CD276: variants seen among roughly 807,000 people sequenced by gnomAD.
The protein encoded by CD276 is CD276 antigen.
CD276 carries 34 observed loss-of-function variants against 50.0 expected under a neutral mutation model. That is an observed-to-expected ratio of 0.68 (90% CI 0.52 to 0.91). CD276 has a LOEUF of 0.91. Among genes scored for constraint, CD276 ranks in the 40% least tolerant of loss-of-function variants. CD276 has a pLI of 0.00. For synonymous variants in CD276, 275 were observed against 313.0 expected (o/e 0.88, Z 1.28); for missense variants, 634 against 717.5 (o/e 0.88, Z 1.33).
chr15:73,712,320 G>T (rs1900936792), intron 9 of CD276, among the ~76,000 whole-genome samples: 1 of 152,206 alleles, frequency 6.6e-6, no homozygotes, highest in Non-Finnish European at 1.5e-5. Flanking sequence ...CCAGATGGGG[G>T]AGCTCTTCTC....
rs751641468 is a variant in CD276 at position 73,702,544 on chromosome 15, C to T, written c.369C>T (p.Phe123=). The T allele has an allele frequency of 1.7e-5, 27 of 1,611,758 alleles. No individual in the cohort carries two copies. Among genetic ancestry groups the T allele is most frequent in the African/African-American group, 4.0e-5 (3 of 74,922 alleles). ...CGGACGAGGGCAGCTTCACCTGCTT[C>T]GTGAGCATCCGGGATTTCGGCAGCG... ...RVADEGSFTC[F]VSIRDFGSAA... The change falls in exon 3 of 10, where the codon TTC becomes TTT. Residue 123 remains phenylalanine (F), a synonymous_variant. Coordinates refer to ENST00000318443, the MANE Select transcript of CD276 (RefSeq NM_001024736.2).
Position 73,704,443 on chromosome 15 carries a change from A to C in CD276, c.1340A>C (p.Gln447Pro). Residue 447 changes from glutamine to proline, a missense_variant, in exon 6 of 10, where the codon CAG becomes CCG. Physicochemically the swap from Gln to Pro is moderately conservative, Grantham distance 76 (BLOSUM62 -1). Transcript: ENST00000318443. The surrounding 1 kb of genome is among the most constrained non-coding windows in gnomAD (Gnocchi z 4.1). ...SCLVRNPVLQ[Q>P]DAHGSVTITG... is the part of the protein sequence containing the mutation. ...CTGGTGCGCAACCCCGTGCTGCAGCAGGATGCGCACGGCTCTGTCACCATC... is the reference window on the plus strand; with the variant it reads ...CTGGTGCGCAACCCCGTGCTGCAGCCGGATGCGCACGGCTCTGTCACCATC... 1 of 1,613,796 alleles carries C rather than the reference A, an allele frequency of 6.2e-7. No individual in the cohort carries two copies. Among genetic ancestry groups the C allele is most frequent in the Non-Finnish European group, 8.5e-7 (1 of 1,179,976 alleles).
intron 2 of CD276, among the ~76,000 whole-genome samples, chr15:73,700,914 T>A (rs1251070727): frequency 5.2e-3 from 2 of 382 alleles, no homozygotes; most frequent in African/African-American, 0.013. Flanking sequence ...TCCTCTTTTT[T>A]TTTTTTTGAG....
rs777601806 is a variant in CD276 at position 73,708,419 on chromosome 15, C to T, written c.1450C>T (p.Leu484=). 3 of 1,613,992 alleles carry T rather than the reference C, an allele frequency of 1.9e-6. No homozygotes were observed. Among genetic ancestry groups the T allele is most frequent in the African/African-American group, 1.3e-5 (1 of 74,912 alleles). ...CTGTCTCATTGCACTGCTGGTGGCC[C>T]TGGCTTTCGTGTGCTGGAGAAAGAT... ...SVCLIALLVA[L]AFVCWRKIKQ... The change falls in exon 7 of 10, where the codon CTG becomes TTG. Residue 484 remains leucine, a synonymous_variant. Coordinates refer to ENST00000318443, the MANE Select transcript of CD276 (RefSeq NM_001024736.2).
intron 7 of CD276, 38 bp from the exon 8 acceptor site, chr15:73,709,609 CA>C: frequency 1.2e-6 from 2 of 1,608,998 alleles, no homozygotes; most frequent in Non-Finnish European, 1.7e-6. Context: ...AATGGGCTTG[CA>C]AAAGATTTTT....
chr15:73,708,694 G>T, intron 7 of CD276: 2 of 573,372 alleles, frequency 3.5e-6, no homozygotes, highest in East Asian at 6.0e-5. Context: ...GGATGAATGT[G>T]GATGAGTGTG....
At chr15:73,709,075 A>G (rs904549425) in intron 7 of CD276, among the ~76,000 whole-genome samples, 1 of 152,118 alleles carries the variant, frequency 6.6e-6, no homozygotes, top group African/African-American at 2.4e-5. Context: ...AGGAGAGGGA[A>G]GAAGAGTGGT....
chr15:73,698,366 CT>C (rs1447657770), intron 1 of CD276, among the ~76,000 whole-genome samples: 2 of 152,154 alleles, frequency 1.3e-5, no homozygotes, highest in Non-Finnish European at 2.9e-5. Flanking sequence ...ATACTGAACC[CT>C]TCCATTTTCT....
At chr15:73,708,534 C>T (rs1596020165) in intron 7 of CD276, 61 bp downstream of exon 7, 1 of 1,546,742 alleles carries the variant, frequency 6.5e-7, no homozygotes, top group East Asian at 2.3e-5. Context: ...GGGTATGTTG[C>T]TGTCTTTGAT....
rs1409458929 is a variant in CD276 at position 73,702,782 on chromosome 15, G to A, written c.429G>A (p.Ser143=). 19 of 1,611,522 alleles carry A rather than the reference G, an allele frequency of 1.2e-5. No homozygotes were observed. The highest frequency in any genetic ancestry group is 3.3e-5 in the Admixed American group (2 of 59,716). The change falls in exon 4 of 10, where the codon TCG becomes TCA. Residue 143 remains serine, a synonymous_variant. Coordinates refer to ENST00000318443, the MANE Select transcript of CD276 (RefSeq NM_001024736.2). ...AVSLQVAAPY[S]KPSMTLEPNK... Reference sequence around the variant, plus strand: ...CTCTGTCACCTCCAGCTCCCTACTCGAAGCCCAGCATGACCCTGGAGCCCA... The same window carrying A: ...CTCTGTCACCTCCAGCTCCCTACTCAAAGCCCAGCATGACCCTGGAGCCCA...
intron 1 of CD276, among the ~76,000 whole-genome samples, chr15:73,688,699 G>A (rs924601345): frequency 2.6e-4 from 40 of 152,210 alleles, no homozygotes; most frequent in African/African-American, 9.4e-4. Flanking sequence ...TGTACAATGG[G>A]CCTGGAGCTA....
At chr15:73,709,744 G>GGA in intron 8 of CD276, 55 bp downstream of exon 8, 1 of 1,560,508 alleles carries the variant, frequency 6.4e-7, no homozygotes, top group Non-Finnish European at 8.8e-7. Context: ...ATATGGGAAA[G>GGA]GAGAGAGGAC....
At chr15:73,708,801 TGA>T (rs1221122291) in intron 7 of CD276, 34 of 369,082 alleles carry the variant, frequency 9.2e-5, no homozygotes, top group Middle Eastern at 8.8e-4. Flanking sequence ...CACGTGTGTG[TGA>T]GAGAGCAGGC....
At position 73,709,688 on chromosome 15, in the gene CD276, A is replaced by C. The variant is rs1900814742; in HGVS notation, c.1545A>C (p.Thr515=). 1 of 1,611,966 alleles carries C rather than the reference A, an allele frequency of 6.2e-7. No individual in the cohort carries two copies. ...ATGGGGAGGGAGAAGGCTCCAAGAC[A>C]GGTGAGTCTGAACTTGGAGCTGGCC... ...DQDGEGEGSK[T]ALQPLKHSDS... Residue 515 remains threonine (T), a splice_region_variant and synonymous_variant, in exon 8 of 10, where the codon ACA becomes ACC. Coordinates refer to ENST00000318443, the MANE Select transcript of CD276 (RefSeq NM_001024736.2).
rs561024457 is a variant in CD276, at chr15:73,710,584, T to C, written c.1547-551T>C. Among the ~76,000 whole-genome samples, 3 of 152,326 alleles carry C rather than the reference T, an allele frequency of 2.0e-5. No individual in the cohort carries two copies. The South Asian group carries it at 6.2e-4, about 32-fold the overall frequency. On this transcript the variant is annotated intron_variant, in intron 8 of 9. Transcript: ENST00000318443. ...CCCCCGCAGAAGGAAGGGCAGGAGA[T>C]TGACACTTGGGGACTGCTATAAATT...
chr15:73,701,324 C>T (rs974613829), intron 2 of CD276, among the ~76,000 whole-genome samples: 5 of 152,200 alleles, frequency 3.3e-5, no homozygotes, highest in African/African-American at 1.2e-4. Flanking sequence ...TGGCCTCCCC[C>T]TTGCCCTGCC....
rs766892381 is a variant in CD276, at chr15:73,709,705, G to A, written c.1546+16G>A. On this transcript the variant is annotated intron_variant, in intron 8 of 9. Transcript: ENST00000318443. ...TCCAAGACAGGTGAGTCTGAACTTG[G>A]AGCTGGCCCTCTTGGCTGGGAGAGG... 1 of 1,609,320 alleles carries A rather than the reference G, an allele frequency of 6.2e-7. No individual in the cohort carries two copies. Among genetic ancestry groups the A allele is most frequent in the Non-Finnish European group, 8.5e-7 (1 of 1,178,432 alleles).
intron 6 of CD276, among the ~76,000 whole-genome samples, chr15:73,705,334 A>C (rs1240172927): frequency 6.6e-6 from 1 of 151,830 alleles, no homozygotes; most frequent in East Asian, 1.9e-4. Context: ...CCAAGTTCTG[A>C]TCTCACCCCA....
chr15:73,698,592 G>A (rs1239175904), intron 1 of CD276, among the ~76,000 whole-genome samples: 2 of 151,970 alleles, frequency 1.3e-5, no homozygotes, highest in African/African-American at 2.4e-5. Flanking sequence ...ATCGAGTCTG[G>A]CTCTGTCACC....
Sources: gnomAD v4.1 joint callset for allele counts (sites outside exome capture counted in the v4.1 genomes callset) on GRCh38, gnomAD v4.1.1 for gene constraint, Gnocchi (gnomAD v3.1) non-coding constraint, MANE v1.5 for transcripts, NCBI Gene and HGNC (gene_info 2026-07-23, HGNC 2026-07-21) for gene names.